Variants in STPG2 observed in about 807,000 individuals in gnomAD.
The protein encoded by STPG2 is sperm-tail PG-rich repeat-containing protein 2.
STPG2 carries 56 observed loss-of-function variants against 54.2 expected under a neutral mutation model. The ratio of observed to expected loss-of-function variants is 1.03; its 90% CI spans 0.83 to 1.29. The LOEUF is 1.29. STPG2 is among the 50% of genes most tolerant of loss of function. STPG2 has a pLI of 0.00. For synonymous variants in STPG2, 200 were observed against 181.8 expected (o/e 1.10, Z -0.81); for missense variants, 596 against 544.9 (o/e 1.09, Z -0.93).
At chr4:97,746,469 C>G (rs1006411137) in intron 9 of STPG2, among the ~76,000 whole-genome samples, 3 of 151,138 alleles carry the variant, frequency 2.0e-5, no homozygotes, top group African/African-American at 7.3e-5. Flanking sequence ...TTGACAGAAA[C>G]AGAAGGGACA....
chr4:97,775,885 C>T lies in STPG2; in HGVS notation c.1205-63071G>A, dbSNP rs76933551. On this transcript the variant is annotated intron_variant, in intron 9 of 10. Transcript: ENST00000295268. Reference sequence around the variant, plus strand: ...CCAGTGATCCTCCTGCCTCAGCCTCCTGGGTACCTGGGATTACAGGTATGC... The same window carrying T: ...CCAGTGATCCTCCTGCCTCAGCCTCTTGGGTACCTGGGATTACAGGTATGC... Among the ~76,000 whole-genome samples the T allele has an allele frequency of 6.2e-3, 949 of 152,216 alleles. 28 individuals are homozygous for T. In the East Asian group the frequency reaches 0.096, roughly 15 times the overall value.
intron 8 of STPG2, among the ~76,000 whole-genome samples, chr4:97,909,177 A>T (rs950940083): frequency 6.6e-6 from 1 of 151,836 alleles, no homozygotes; most frequent in South Asian, 2.1e-4. Flanking sequence ...TTAAGAAGCA[A>T]TTGTTAATTA....
intron 10 of STPG2, among the ~76,000 whole-genome samples, chr4:97,560,664 A>G (rs1732204690): frequency 6.6e-6 from 1 of 152,172 alleles, no homozygotes; most frequent in Non-Finnish European, 1.5e-5. Flanking sequence ...AAAGTAAAAC[A>G]AAACAAAACA....
intron 8 of STPG2, among the ~76,000 whole-genome samples, chr4:97,855,974 G>A (rs1489040783): frequency 6.6e-6 from 1 of 152,136 alleles, no homozygotes; most frequent in African/African-American, 2.4e-5. Context: ...TCAGATGGCT[G>A]TAGGTGTGTG....
intron 4 of STPG2, among the ~76,000 whole-genome samples, chr4:97,542,402 A>G (rs1731735031): frequency 6.6e-6 from 1 of 152,248 alleles, no homozygotes; most frequent in Non-Finnish European, 1.5e-5. Context: ...AGAAATGGAT[A>G]TCAAAACCAC....
At chr4:97,810,279 C>T (rs1396348177) in intron 9 of STPG2, among the ~76,000 whole-genome samples, 2 of 152,002 alleles carry the variant, frequency 1.3e-5, no homozygotes, top group Non-Finnish European at 2.9e-5. Flanking sequence ...TCCTGGCCAA[C>T]ATGGTGAAAC....
chr4:97,481,606 G>T (rs1301461773), intron 4 of STPG2, among the ~76,000 whole-genome samples: 1 of 151,332 alleles, frequency 6.6e-6, no homozygotes, highest in Admixed American at 6.6e-5. Flanking sequence ...ACATTCTGAT[G>T]CTATTATCGG....
intron 10 of STPG2, among the ~76,000 whole-genome samples, chr4:97,631,142 T>G (rs1721264455): frequency 6.6e-6 from 1 of 152,016 alleles, no homozygotes; most frequent in Non-Finnish European, 1.5e-5. Context: ...GGGAAAAAGA[T>G]TCTATCAAGG....
intron 4 of STPG2, among the ~76,000 whole-genome samples, chr4:97,550,371 T>A (rs1731937501): frequency 6.6e-6 from 1 of 151,894 alleles, no homozygotes; most frequent in African/African-American, 2.4e-5. Context: ...AAGAAAAGAA[T>A]CAAGAAACAC....
intron 10 of STPG2, among the ~76,000 whole-genome samples, chr4:97,651,346 C>G (rs1722062326): frequency 6.6e-6 from 1 of 151,954 alleles, no homozygotes; most frequent in Non-Finnish European, 1.5e-5. Flanking sequence ...AAATGCTCAG[C>G]CTCAGAGTAT....
At chr4:97,474,439 T>C (rs979686794) in intron 4 of STPG2, among the ~76,000 whole-genome samples, 1 of 152,188 alleles carries the variant, frequency 6.6e-6, no homozygotes, top group Non-Finnish European at 1.5e-5. Context: ...ACTAGTATTA[T>C]GTAGAATTGC....
chr4:97,621,679 A>G (rs150295349), intron 10 of STPG2, among the ~76,000 whole-genome samples: 23 of 152,286 alleles, frequency 1.5e-4, no homozygotes, highest in Admixed American at 1.4e-3. Context: ...ACAGATTCAC[A>G]GCCAAATTCT....
chr4:97,577,373 A>T (rs2148888126), intron 10 of STPG2, among the ~76,000 whole-genome samples: 1 of 152,266 alleles, frequency 6.6e-6, no homozygotes, highest in East Asian at 1.9e-4. Flanking sequence ...GGACAAATAA[A>T]ATGTGTTACA....
At chr4:97,521,097 T>C (rs1403279290) in intron 4 of STPG2, among the ~76,000 whole-genome samples, 1 of 152,062 alleles carries the variant, frequency 6.6e-6, no homozygotes, top group Non-Finnish European at 1.5e-5. Context: ...CACTGTTTGT[T>C]ACTATTGTAC....
chr4:97,585,367 A>T (rs1361471476), intron 10 of STPG2, among the ~76,000 whole-genome samples: 1 of 151,964 alleles, frequency 6.6e-6, no homozygotes. Flanking sequence ...TCACTGCCAG[A>T]TCCAAAACTT....
At chr4:98,089,672 G>T (rs1264030966) in intron 5 of STPG2, among the ~76,000 whole-genome samples, 1 of 150,470 alleles carries the variant, frequency 6.6e-6, no homozygotes, top group African/African-American at 2.4e-5. Context: ...CCCACCAGCA[G>T]TGAAAAAGTA....
rs1026377964 is a variant in STPG2 at position 97,779,002 on chromosome 4, G to A, written c.1204+61771C>T. 5.3e-5 allele frequency among the ~76,000 whole-genome samples: 8 copies of A among 152,136 alleles called. No homozygotes were observed. The East Asian group carries it at 7.7e-4, about 15-fold the overall frequency. ...GGGAAAAAAACAGAGTAGAAAAGCC[G>A]AAAATTCTAAAAATCAGAGCACCTC... On this transcript the variant is annotated intron_variant, in intron 9 of 10. Transcript: ENST00000295268.
chr4:97,711,927 C>A (rs2149007340), intron 10 of STPG2, among the ~76,000 whole-genome samples: 1 of 152,082 alleles, frequency 6.6e-6, no homozygotes, highest in East Asian at 1.9e-4. Context: ...CCTCAGCTTC[C>A]CAAAGTGCTG....
intron 10 of STPG2, among the ~76,000 whole-genome samples, chr4:97,585,431 T>C (rs1434018250): frequency 6.6e-6 from 1 of 151,782 alleles, no homozygotes; most frequent in African/African-American, 2.4e-5. Flanking sequence ...GCAAGAAAAA[T>C]CTAACCACAA....
Sources: allele counts gnomAD v4.1 joint callset (sites outside exome capture counted in the v4.1 genomes callset), GRCh38; gene constraint gnomAD v4.1.1; transcripts MANE v1.5; gene names NCBI Gene and HGNC (gene_info 2026-07-23, HGNC 2026-07-21).